Variants in CADM2 observed in about 807,000 individuals in gnomAD.
CADM2 encodes cell adhesion molecule 2.
In CADM2, 12 loss-of-function variants were observed where a neutral mutation model predicts 49.8. The ratio of observed to expected loss-of-function variants is 0.24; its 90% CI spans 0.15 to 0.39. The LOEUF (loss-of-function observed/expected upper bound fraction) is 0.39. Among genes scored for constraint, CADM2 ranks in the 10% least tolerant of loss-of-function variants. The pLI, the probability that CADM2 is intolerant of heterozygous loss-of-function variation, is 1.00. For missense variants in CADM2, 378 were observed against 492.3 expected (o/e 0.77, Z 2.20); for synonymous variants, 214 against 175.4 (o/e 1.22, Z -1.74).
chr3:85,982,227 T>A (rs1727563698), intron 8 of CADM2, among the ~76,000 whole-genome samples: 1 of 151,692 alleles, frequency 6.6e-6, no homozygotes. Context: ...GTAAATTCAC[T>A]TTTTTTCAGG....
intron 8 of CADM2, among the ~76,000 whole-genome samples, chr3:85,976,039 T>C (rs1726734360): frequency 6.6e-6 from 1 of 151,608 alleles, no homozygotes; most frequent in Admixed American, 6.6e-5. Context: ...GCAGATTATC[T>C]TGTCCTATGG....
At chr3:85,950,385 C>A (rs1416277301) in intron 7 of CADM2, among the ~76,000 whole-genome samples, 1 of 151,140 alleles carries the variant, frequency 6.6e-6, no homozygotes, top group African/African-American at 2.4e-5. Context: ...ATCTGTAACT[C>A]CTTCATGATC....
intron 1 of CADM2, among the ~76,000 whole-genome samples, chr3:85,191,580 G>T (rs981833560): frequency 6.6e-6 from 1 of 152,046 alleles, no homozygotes; most frequent in African/African-American, 2.4e-5. Flanking sequence ...CCAAATAGAT[G>T]ACGGTTTGAC....
chr3:86,005,363 CA>C (rs1730655657), intron 8 of CADM2, among the ~76,000 whole-genome samples: 1 of 151,910 alleles, frequency 6.6e-6, no homozygotes, highest in Non-Finnish European at 1.5e-5. Flanking sequence ...CCAGCCTGGC[CA>C]AAATGGTGAA....
intron 2 of CADM2, among the ~76,000 whole-genome samples, chr3:85,749,543 C>T (rs924178852): frequency 6.6e-6 from 1 of 151,768 alleles, no homozygotes; most frequent in Non-Finnish European, 1.5e-5. Context: ...TTGATACAAC[C>T]CGGGATATAT....
At chr3:85,894,461 T>C (rs1392302693) in intron 5 of CADM2, among the ~76,000 whole-genome samples, 5 of 151,912 alleles carry the variant, frequency 3.3e-5, no homozygotes, top group Admixed American at 2.0e-4. Context: ...CTAACCTGCA[T>C]GTTGTGCACA....
intron 1 of CADM2, among the ~76,000 whole-genome samples, chr3:85,038,263 C>T (rs945212057): frequency 2.0e-5 from 3 of 152,166 alleles, no homozygotes; most frequent in Non-Finnish European, 2.9e-5. Flanking sequence ...GTGGTTTCTT[C>T]ACACATAAAG....
chr3:86,039,662 G>A (rs1412818630), intron 8 of CADM2, among the ~76,000 whole-genome samples: 1 of 152,200 alleles, frequency 6.6e-6, no homozygotes, highest in Non-Finnish European at 1.5e-5. Context: ...TGGGGGGAGG[G>A]CATAGCCAAA....
chr3:86,007,900 T>C (rs1730986117), intron 8 of CADM2, among the ~76,000 whole-genome samples: 1 of 152,210 alleles, frequency 6.6e-6, no homozygotes, highest in Non-Finnish European at 1.5e-5. Flanking sequence ...ATGAGCAATG[T>C]CTTGTTCTTC....
intron 8 of CADM2, among the ~76,000 whole-genome samples, chr3:86,032,408 A>G (rs1734662521): frequency 6.6e-6 from 1 of 151,888 alleles, no homozygotes; most frequent in African/African-American, 2.4e-5. Context: ...TTTAAAGGAT[A>G]AAGGGTTCTT....
At chr3:85,608,674 T>C (rs1640357435) in intron 1 of CADM2, among the ~76,000 whole-genome samples, 1 of 152,184 alleles carries the variant, frequency 6.6e-6, no homozygotes. Context: ...AGGCTTATTT[T>C]ATGCTGATCA....
At position 86,067,892 on chromosome 3, in the gene CADM2, G is replaced by A. The variant is rs1019523471; in HGVS notation, c.*1109G>A. The A allele has an allele frequency of 1.3e-5, 2 of 152,342 alleles. No individual in the cohort carries two copies. Among genetic ancestry groups the A allele is most frequent in the Non-Finnish European group, 2.9e-5 (2 of 67,898 alleles). The allele number at this position is 152,342 out of a possible 1,614,324, so 9.4% of individuals were successfully genotyped here. ...TGTTAATTTTTATTTGTTATACAAT[G>A]GAAGCACAATGTTATAAGGAAAGGT... is the stretch of plus-strand genomic sequence containing the variant. On this transcript the variant is annotated 3_prime_UTR_variant, in exon 10 of 10. Coordinates refer to ENST00000383699, the MANE Select transcript of CADM2 (RefSeq NM_001167675.2).
intron 1 of CADM2, among the ~76,000 whole-genome samples, chr3:85,245,824 A>G (rs530673765): frequency 3.9e-5 from 6 of 152,318 alleles, no homozygotes; most frequent in Non-Finnish European, 7.4e-5. Context: ...CTGCATTTAT[A>G]TTTGGCCTCC....
intron 8 of CADM2, chr3:86,012,414 T>C (rs1165629646): frequency 7.5e-6 from 3 of 402,032 alleles, no homozygotes; most frequent in Non-Finnish European, 1.3e-5. Context: ...TACAATAAAG[T>C]TGGGCTTCTC....
intron 1 of CADM2, among the ~76,000 whole-genome samples, chr3:85,108,347 T>C (rs1245952508): frequency 6.6e-6 from 1 of 152,200 alleles, no homozygotes; most frequent in Non-Finnish European, 1.5e-5. Flanking sequence ...TGTATGCATA[T>C]AATGTAATGT....
At chr3:85,598,488 G>A (rs2063306474) in intron 1 of CADM2, among the ~76,000 whole-genome samples, 1 of 151,804 alleles carries the variant, frequency 6.6e-6, no homozygotes, top group Non-Finnish European at 1.5e-5. Flanking sequence ...TCATTGTAAA[G>A]TCTGTTCCAA....
chr3:85,378,118 T>C (rs2033698648), intron 1 of CADM2, among the ~76,000 whole-genome samples: 4 of 152,052 alleles, frequency 2.6e-5, no homozygotes, highest in South Asian at 2.1e-4. Flanking sequence ...AAAATTTAAA[T>C]TGGAAAAATC....
intron 8 of CADM2, among the ~76,000 whole-genome samples, chr3:85,988,599 AATTTTG>A (rs1439091039): frequency 6.6e-6 from 1 of 152,190 alleles, no homozygotes; most frequent in Non-Finnish European, 1.5e-5. Context: ...TCACAGTTAA[AATTTTG>A]ATTTTAACAG....
intron 8 of CADM2, among the ~76,000 whole-genome samples, chr3:85,969,144 C>T (rs1020073272): frequency 6.6e-6 from 1 of 151,544 alleles, no homozygotes; most frequent in Non-Finnish European, 1.5e-5. Flanking sequence ...AATATATAAA[C>T]GTTTTAAATG....
Sources: gnomAD v4.1 joint callset for allele counts (sites outside exome capture counted in the v4.1 genomes callset) on GRCh38, gnomAD v4.1.1 for gene constraint, MANE v1.5 for transcripts, NCBI Gene and HGNC (gene_info 2026-07-23, HGNC 2026-07-21) for gene names.